The following EDA variants were observed in gnomAD, a reference collection of about 807,000 sequenced individuals.
EDA encodes ectodysplasin-A.
Under a neutral mutation model 23.6 loss-of-function variants are expected in EDA, and 2 were observed. That is an observed-to-expected ratio of 0.08 (90% CI 0.03 to 0.27). EDA has a LOEUF of 0.27. Among genes scored for constraint, EDA ranks in the 10% least tolerant of loss-of-function variants. The pLI, the probability that EDA is intolerant of heterozygous loss-of-function variation, is 1.00. For synonymous variants in EDA, 131 were observed against 132.0 expected (o/e 0.99, Z 0.05); for missense variants, 229 against 324.2 (o/e 0.71, Z 2.26).
At chrX:69,674,194 A>C (rs1348199374) in intron 1 of EDA, among the ~76,000 whole-genome samples, 1 of 110,759 alleles carries the variant, frequency 9.0e-6, no homozygotes, top group Non-Finnish European at 1.9e-5. Flanking sequence ...TTTCTCTGTT[A>C]CATATGTACC....
intron 1 of EDA, among the ~76,000 whole-genome samples, chrX:69,679,935 C>T (rs1208322210): frequency 5.7e-5 from 6 of 105,578 alleles, no homozygotes; most frequent in Non-Finnish European, 1.2e-4. Context: ...TTGGATCTTT[C>T]CTGCTTTCTC....
chrX:69,752,877 G>C (rs1425699905), intron 1 of EDA, among the ~76,000 whole-genome samples: 1 of 112,106 alleles, frequency 8.9e-6, no homozygotes, highest in African/African-American at 3.2e-5. Flanking sequence ...GGTGTTTATA[G>C]TATTCTCTGA....
chrX:69,711,204 G>C lies in EDA; in HGVS notation c.396+94500G>C, dbSNP rs752221377. 9.9e-4 allele frequency among the ~76,000 whole-genome samples: 110 copies of C among 111,168 alleles called. 1 individual carries two copies. Among genetic ancestry groups the C allele is most frequent in the Non-Finnish European group, 1.4e-3 (76 of 53,028 alleles). ...CTTATTGAGAGTTTTTAGCATGAAG[G>C]GTTGTTGAATTTTGTCAAAGGCCTT... On this transcript the variant is annotated intron_variant, in intron 1 of 7. Transcript: ENST00000374552.
intron 1 of EDA, among the ~76,000 whole-genome samples, chrX:69,648,554 G>T (rs1201321045): frequency 8.9e-6 from 1 of 112,598 alleles, no homozygotes; most frequent in East Asian, 2.8e-4. Flanking sequence ...TGGCAGGTTG[G>T]AATGGCTGAG....
intron 1 of EDA, among the ~76,000 whole-genome samples, chrX:69,892,295 T>C (rs1343509457): frequency 8.9e-6 from 1 of 112,301 alleles, no homozygotes; most frequent in South Asian, 3.7e-4. Flanking sequence ...CTCTTTCAGC[T>C]TCTCTTTTTC....
chrX:69,692,735 C>T (rs1031656235), intron 1 of EDA, among the ~76,000 whole-genome samples: 4 of 111,749 alleles, frequency 3.6e-5, no homozygotes, highest in Admixed American at 1.9e-4. Flanking sequence ...GTAACAGGTC[C>T]GTTAAAGCTT....
chrX:69,688,406 A>G (rs1934608571), intron 1 of EDA, among the ~76,000 whole-genome samples: 1 of 111,024 alleles, frequency 9.0e-6, no homozygotes, highest in Admixed American at 9.6e-5. Flanking sequence ...GGTGCTTTTT[A>G]TTTATTTTTT....
chrX:69,793,939 A>G (rs769126391), intron 1 of EDA, among the ~76,000 whole-genome samples: 2 of 111,594 alleles, frequency 1.8e-5, no homozygotes, highest in East Asian at 5.6e-4. Flanking sequence ...AAACGTCTTT[A>G]CATGTGTCTT....
intron 1 of EDA, among the ~76,000 whole-genome samples, chrX:69,924,884 A>G (rs1172746893): frequency 9.0e-6 from 1 of 111,016 alleles, no homozygotes; most frequent in Non-Finnish European, 1.9e-5. Flanking sequence ...TGTTAGCTCT[A>G]TTCCTGGGTA....
At chrX:69,868,535 C>A (rs1386866438) in intron 1 of EDA, among the ~76,000 whole-genome samples, 1 of 112,188 alleles carries the variant, frequency 8.9e-6, no homozygotes, top group Non-Finnish European at 1.9e-5. Flanking sequence ...ATGCAAATGT[C>A]TCACCAGTAA....
intron 1 of EDA, among the ~76,000 whole-genome samples, chrX:69,772,831 G>T (rs1270830291): frequency 8.9e-6 from 1 of 111,781 alleles, no homozygotes; most frequent in Admixed American, 9.5e-5. Context: ...TTTTATGGCT[G>T]TGTATTATTC....
rs1029233868 is a variant in EDA at position 69,726,707 on chromosome X, G to A, written c.396+110003G>A. Among the ~76,000 whole-genome samples the A allele has an allele frequency of 1.2e-4, 14 of 112,006 alleles. No individual in the cohort carries two copies. In the South Asian group the frequency reaches 1.8e-3, roughly 15 times the overall value. Reference sequence around the variant, plus strand: ...CCAAGATCAAGGTTCTAGAAGATTTGGAGTCTGGTGAAGGTGAAACGGGAG... The same window carrying A: ...CCAAGATCAAGGTTCTAGAAGATTTAGAGTCTGGTGAAGGTGAAACGGGAG... On this transcript the variant is annotated intron_variant, in intron 1 of 7. Coordinates refer to ENST00000374552, the MANE Select transcript of EDA (RefSeq NM_001399.5).
chrX:69,617,012 C>G (rs1285221703), intron 1 of EDA: 14 of 421,236 alleles, frequency 3.3e-5, no homozygotes, highest in East Asian at 1.6e-4. Context: ...CGCTGCCCCC[C>G]GGCCGACTAA....
intron 1 of EDA, among the ~76,000 whole-genome samples, chrX:69,779,320 C>T (rs965040128): frequency 9.0e-6 from 1 of 111,207 alleles, no homozygotes; most frequent in Non-Finnish European, 1.9e-5. Flanking sequence ...TGTGATACAC[C>T]CATACAAAAG....
chrX:70,016,268 G>A (rs749344506), intron 2 of EDA, among the ~76,000 whole-genome samples: 53 of 110,771 alleles, frequency 4.8e-4, no homozygotes, highest in Middle Eastern at 4.6e-3. Flanking sequence ...TTAGATAACC[G>A]TACAGTAATA....
At chrX:69,768,608 A>G (rs1484528357) in intron 1 of EDA, among the ~76,000 whole-genome samples, 1 of 111,786 alleles carries the variant, frequency 8.9e-6, no homozygotes, top group African/African-American at 3.2e-5. Flanking sequence ...TTTTATATTA[A>G]GTCCCAAAAA....
At chrX:69,862,799 C>A (rs768763648) in intron 1 of EDA, among the ~76,000 whole-genome samples, 1 of 110,921 alleles carries the variant, frequency 9.0e-6, no homozygotes, top group Non-Finnish European at 1.9e-5. Flanking sequence ...AGAGTAACTA[C>A]AACACAAATG....
chrX:69,684,577 TA>T (rs757413263), intron 1 of EDA, among the ~76,000 whole-genome samples: 1 of 112,135 alleles, frequency 8.9e-6, no homozygotes, highest in East Asian at 2.8e-4. Flanking sequence ...ACAACTCGAC[TA>T]ACTCCTTCCT....
intron 1 of EDA, among the ~76,000 whole-genome samples, chrX:69,631,339 A>G (rs1434274005): frequency 3.9e-5 from 4 of 102,570 alleles, no homozygotes; most frequent in Non-Finnish European, 7.9e-5. Context: ...CCAAGATCGC[A>G]CCACTGCACT....
Sources: allele counts gnomAD v4.1 joint callset (sites outside exome capture counted in the v4.1 genomes callset), GRCh38; gene constraint gnomAD v4.1.1; transcripts MANE v1.5; gene names NCBI Gene and HGNC (gene_info 2026-07-23, HGNC 2026-07-21).